CD4: variants seen among roughly 807,000 people sequenced by gnomAD.
CD4 encodes the protein CD4 molecule, also known as T-cell surface glycoprotein CD4.
CD4 carries 25 observed loss-of-function variants against 50.5 expected under a neutral mutation model. The ratio of observed to expected loss-of-function variants is 0.49; its 90% CI spans 0.36 to 0.69. The LOEUF is 0.69. Among genes scored for constraint, CD4 ranks in the 30% least tolerant of loss-of-function variants. The probability of loss-of-function intolerance (pLI) is 0.00; values close to 1 mark genes in which losing one functional copy is unlikely to be tolerated. For synonymous variants in CD4, 207 were observed against 221.9 expected (o/e 0.93, Z 0.60); for missense variants, 456 against 548.5 (o/e 0.83, Z 1.68).
chr12:6,810,940 G>A (rs1942918423), intron 3 of CD4, among the ~76,000 whole-genome samples: 1 of 152,076 alleles, frequency 6.6e-6, no homozygotes, highest in South Asian at 2.1e-4. Context: ...GGTGCCTGCC[G>A]TGCTCTGAGG....
chr12:6,803,735 A>C (rs1555115731), intron 3 of CD4, among the ~76,000 whole-genome samples: 1 of 151,714 alleles, frequency 6.6e-6, no homozygotes, highest in African/African-American at 2.4e-5. Context: ...CAGTGAGCTG[A>C]GACCGTGCCA....
rs782293253 is a variant in CD4 at position 6,818,028 on chromosome 12, GCA to G, written c.1157-388_1157-387del. 1.4e-5 allele frequency among the ~76,000 whole-genome samples: 2 copies of G among 147,884 alleles called. No individual in the cohort carries two copies. The highest frequency in any genetic ancestry group is 2.2e-4 in the South Asian group (1 of 4,596). Reference sequence around the variant, plus strand: ...CAGTCACGCACACACATTCATACACGCACACAGGCACACATTCACACACATGC... The same window carrying G: ...CAGTCACGCACACACATTCATACACGCACAGGCACACATTCACACACATGC... On this transcript the variant is annotated intron_variant, in intron 7 of 9. Coordinates refer to ENST00000011653, the MANE Select transcript of CD4 (RefSeq NM_000616.5). This position sits in a 1 kb window ranked among gnomAD's most constrained non-coding sequence, Gnocchi z 5.0.
chr12:6,818,898 A>T lies in CD4; in HGVS notation c.1330A>T (p.Thr444Ser), dbSNP rs145973129. Residue 444 changes from threonine to serine, a missense_variant, in exon 9 of 10, where the codon ACC becomes TCC. Coordinates refer to ENST00000011653, the MANE Select transcript of CD4 (RefSeq NM_000616.5). The surrounding 1 kb of genome is among the most constrained non-coding windows in gnomAD (Gnocchi z 5.0). ...CAAGAGACTCCTCAGTGAGAAGAAG[A>T]CCTGCCAGTGTCCTCAGTAAGGATC... The part of the protein sequence containing the change: ...QIKRLLSEKK[T>S]CQCPHRFQKT... 1 of 1,580,400 alleles carries T rather than the reference A, an allele frequency of 6.3e-7. No homozygotes were observed.
chr12:6,817,516 G>T (rs1943112541), intron 7 of CD4, among the ~76,000 whole-genome samples, 186 bp downstream of exon 7: 1 of 152,064 alleles, frequency 6.6e-6, no homozygotes, highest in South Asian at 2.1e-4. Flanking sequence ...AGTGAGGTGG[G>T]TTGTGGTCCT....
chr12:6,816,999 G>C lies in CD4; in HGVS notation c.956-131G>C, dbSNP rs781831178. 5.8e-6 allele frequency: 4 copies of C among 693,734 alleles called. No individual in the cohort carries two copies. The highest frequency in any genetic ancestry group is 1.8e-5 in the African/African-American group (1 of 55,890). The allele number at this position is 693,734 out of a possible 1,614,324, so 43.0% of individuals were successfully genotyped here. A position where few individuals can be genotyped will look rare whatever the true frequency, so the allele number is the denominator to read the frequency against. On this transcript the variant is annotated intron_variant, in intron 6 of 9. Transcript: ENST00000011653. This position sits in a 1 kb window ranked among gnomAD's most constrained non-coding sequence, Gnocchi z 4.9. ...AATCCAATACCACTGGACCCCAAAC[G>C]CTGTTTTTCCTCGTAGGACTGCATG...
At position 6,818,374 on chromosome 12, in the gene CD4, G is replaced by A. The variant is rs114153452; in HGVS notation, c.1157-47G>A. 1,686 of 1,607,138 alleles carry A rather than the reference G, an allele frequency of 1.0e-3. 15 individuals are homozygous for A. The African/African-American group carries it at 0.02, about 19-fold the overall frequency. ...TTGCAGGGCAGTCCTCAGTCCCCTG[G>A]CCCGTGGAGGAGGGCGGTGCATTGA... On this transcript the variant is annotated intron_variant, in intron 7 of 9. Transcript: ENST00000011653. The surrounding 1 kb of genome is among the most constrained non-coding windows in gnomAD (Gnocchi z 5.0).
intron 1 of CD4, among the ~76,000 whole-genome samples, chr12:6,798,526 G>A (rs1267705223): frequency 6.6e-6 from 1 of 152,118 alleles, no homozygotes; most frequent in East Asian, 1.9e-4. Context: ...TACAGGACAT[G>A]TTTTTGTGAG....
At chr12:6,815,381 T>A (rs1943058995) in intron 5 of CD4, among the ~76,000 whole-genome samples, 2 of 152,166 alleles carry the variant, frequency 1.3e-5, no homozygotes, top group Admixed American at 1.3e-4. Context: ...ACCCTGATGA[T>A]GTTCTATGTT....
intron 1 of CD4, chr12:6,799,566 C>T (rs1432637850): frequency 6.5e-6 from 1 of 154,280 alleles, no homozygotes; most frequent in Admixed American, 6.4e-5. Flanking sequence ...CTGCAACCTC[C>T]TCCTCCCTGG....
chr12:6,800,522 A>C, intron 3 of CD4, 51 bp downstream of exon 3: 1 of 1,511,376 alleles, frequency 6.6e-7, no homozygotes. Flanking sequence ...TATGGAGTGA[A>C]AGCCTTTGGT....
At chr12:6,794,848 G>A (rs1167409339) in intron 1 of CD4, among the ~76,000 whole-genome samples, 9 of 144,432 alleles carry the variant, frequency 6.2e-5, no homozygotes, top group South Asian at 2.2e-4. Context: ...GCGGTGGCGC[G>A]ATCTCAGCTC....
rs1943223325 is a variant in CD4, at chr12:6,819,866, T to A, written c.*537T>A. 6.4e-6 allele frequency: 1 copy of A among 157,060 alleles called. No individual in the cohort carries two copies. The highest frequency in any genetic ancestry group is 1.9e-4 in the South Asian group (1 of 5,154). 9.7% of individuals were successfully genotyped at this position (157,060 alleles called of 1,614,324 possible). On this transcript the variant is annotated 3_prime_UTR_variant, in exon 10 of 10. Coordinates refer to ENST00000011653, the MANE Select transcript of CD4 (RefSeq NM_000616.5). The stretch of plus-strand genomic sequence containing the variant: ...ATGTGGGTGGGACCACAGACTCACA[T>A]CCTGACCTTGCACAAACAGCCCCTC...
rs782032493 is a variant in CD4, at chr12:6,818,565, C to G, written c.1278+23C>G. 6 of 1,611,684 alleles carry G rather than the reference C, an allele frequency of 3.7e-6. No homozygotes were observed. The East Asian group carries it at 1.3e-4, about 36-fold the overall frequency. On this transcript the variant is annotated intron_variant, in intron 8 of 9. Coordinates refer to ENST00000011653, the MANE Select transcript of CD4 (RefSeq NM_000616.5). The surrounding 1 kb of genome is among the most constrained non-coding windows in gnomAD (Gnocchi z 5.0). ...AGGGTGAGTAACCCCACACCTGGTC[C>G]CCACAAGGCCCTCAAACCCCTGAGT... is the stretch of plus-strand genomic sequence containing the variant.
chr12:6,814,630 C>T (rs1447552784), intron 4 of CD4, 129 bp from the exon 5 acceptor site: 19 of 800,508 alleles, frequency 2.4e-5, no homozygotes, highest in East Asian at 2.0e-4. Flanking sequence ...GCTGGGGGTG[C>T]GCAGCTGGGT....
chr12:6,818,345 G>C lies in CD4; in HGVS notation c.1157-76G>C. 6.4e-7 allele frequency: 1 copy of C among 1,573,886 alleles called. No homozygotes were observed. The highest frequency in any genetic ancestry group is 8.6e-7 in the Non-Finnish European group (1 of 1,156,102). On this transcript the variant is annotated intron_variant, in intron 7 of 9. Coordinates refer to ENST00000011653, the MANE Select transcript of CD4 (RefSeq NM_000616.5). This position sits in a 1 kb window ranked among gnomAD's most constrained non-coding sequence, Gnocchi z 5.0. ...GGGTCAAACCAGAGACTGGCCAGGAGGGATTGCAGGGCAGTCCTCAGTCCC... is the reference window on the plus strand; with the variant it reads ...GGGTCAAACCAGAGACTGGCCAGGACGGATTGCAGGGCAGTCCTCAGTCCC...
Position 6,803,023 on chromosome 12 carries a change from G to A in CD4, c.214+2552G>A, listed in dbSNP as rs1428514717. 3.3e-5 allele frequency among the ~76,000 whole-genome samples: 5 copies of A among 149,696 alleles called. No homozygotes were observed. The East Asian group carries it at 6.1e-4, about 18-fold the overall frequency. ...GCTGGGAGTACAGGTGTGAGCCACC[G>A]CACTCGGCCTAGACTAACTATTTAA... is the stretch of plus-strand genomic sequence containing the variant. On this transcript the variant is annotated intron_variant, in intron 3 of 9. Transcript: ENST00000011653.
At chr12:6,799,923 C>G in intron 1 of CD4, 149 bp from the exon 2 acceptor site, 1 of 577,414 alleles carries the variant, frequency 1.7e-6, no homozygotes, top group Non-Finnish European at 3.1e-6. Flanking sequence ...TCATTCCTTC[C>G]TTAATCCAAC....
intron 1 of CD4, chr12:6,799,324 G>A (rs1942467523): frequency 6.6e-6 from 1 of 151,826 alleles, no homozygotes; most frequent in Admixed American, 6.6e-5. Context: ...TTTTCCTCAA[G>A]CTGCCTAAGC....
In CD4 at chr12:6,820,277, C is replaced by A. The variant is rs139558800; in HGVS notation, c.*948C>A. ...GATGAAGGCCTCCCTGTCTAAAATC[C>A]CTCCTTCATCCCCCGCTGGTGGCAG... On this transcript the variant is annotated 3_prime_UTR_variant, in exon 10 of 10. Coordinates refer to ENST00000011653, the MANE Select transcript of CD4 (RefSeq NM_000616.5). The A allele has an allele frequency of 4.6e-5, 7 of 152,306 alleles. No individual in the cohort carries two copies. The East Asian group carries it at 1.2e-3, about 25-fold the overall frequency. 9.4% of individuals were successfully genotyped at this position (152,306 alleles called of 1,614,324 possible).
Sources: allele counts gnomAD v4.1 joint callset (sites outside exome capture counted in the v4.1 genomes callset), GRCh38; gene constraint gnomAD v4.1.1; non-coding constraint Gnocchi (gnomAD v3.1); transcripts MANE v1.5; gene names NCBI Gene and HGNC (gene_info 2026-07-23, HGNC 2026-07-21).